PIGR: variants seen among roughly 807,000 people sequenced by gnomAD.
PIGR encodes the protein polymeric immunoglobulin receptor, also known as hepatocellular carcinoma associated protein TB6.
PIGR carries 22 observed loss-of-function variants against 69.5 expected under a neutral mutation model. That is an observed-to-expected ratio of 0.32 (90% CI 0.23 to 0.45). The LOEUF (loss-of-function observed/expected upper bound fraction) is 0.45. PIGR is among the 20% of genes least tolerant of loss of function. The pLI is 1.00. For synonymous variants in PIGR, 413 were observed against 407.6 expected (o/e 1.01, Z -0.16); for missense variants, 885 against 974.0 (o/e 0.91, Z 1.22).
At chr1:206,945,312 T>G (rs952358604) in intron 1 of PIGR, among the ~76,000 whole-genome samples, 4 of 152,168 alleles carry the variant, frequency 2.6e-5, no homozygotes, top group Non-Finnish European at 4.4e-5. Flanking sequence ...AGGAGCAGCT[T>G]CAATGGCCCC....
rs1680107517 is a variant in PIGR, at chr1:206,946,389, G to C, written c.-107C>G. ...TCTGACTTCAGGGACACAGCCTGCT[G>C]GCCAGTTGGTAACCCCTGCCTCTCT... On this transcript the variant is annotated 5_prime_UTR_variant, in exon 1 of 11. Coordinates refer to ENST00000356495, the MANE Select transcript of PIGR (RefSeq NM_002644.4). 1 of 152,262 alleles carries C rather than the reference G, an allele frequency of 6.6e-6. No individual in the cohort carries two copies. The highest frequency in any genetic ancestry group is 1.5e-5 in the Non-Finnish European group (1 of 68,094). 9.4% of individuals were successfully genotyped at this position (152,262 alleles called of 1,614,324 possible).
rs1350036249 is a variant in PIGR at position 206,930,983 on chromosome 1, G to A, written c.2199+514C>T. Reference sequence around the variant, plus strand: ...AGTCCTAGGGCAGATTGAGGGGATGGTATATGGCACCCAAGGCAGGAGTTG... The same window carrying A: ...AGTCCTAGGGCAGATTGAGGGGATGATATATGGCACCCAAGGCAGGAGTTG... On this transcript the variant is annotated intron_variant, in intron 10 of 10. Transcript: ENST00000356495. This position sits in a 1 kb window ranked among gnomAD's most constrained non-coding sequence, Gnocchi z 4.3. The A allele has an allele frequency of 2.0e-6, 2 of 985,434 alleles. No homozygotes were observed. Among genetic ancestry groups the A allele is most frequent in the Non-Finnish European group, 2.4e-6 (2 of 829,920 alleles). The allele number at this position is 985,434 out of a possible 1,614,324, so 61.0% of individuals were successfully genotyped here.
rs935131187 is a variant in PIGR at position 206,944,726 on chromosome 1, G to A, written c.-54+1610C>T. Reference sequence around the variant, plus strand: ...AGAGAGAGGGCAAGACATAGATGAAGGTCTCTGCTGAGCACAATGCATAGG... The same window carrying A: ...AGAGAGAGGGCAAGACATAGATGAAAGTCTCTGCTGAGCACAATGCATAGG... On this transcript the variant is annotated intron_variant, in intron 1 of 10. Coordinates refer to ENST00000356495, the MANE Select transcript of PIGR (RefSeq NM_002644.4). Among the ~76,000 whole-genome samples, 3 of 152,156 alleles carry A rather than the reference G, an allele frequency of 2.0e-5. No individual in the cohort carries two copies. The East Asian group carries it at 5.8e-4, about 29-fold the overall frequency.
rs1412821562 is a variant in PIGR at position 206,937,200 on chromosome 1, C to G, written c.940G>C (p.Gly314Arg). The G allele has an allele frequency of 2.5e-6, 4 of 1,614,232 alleles. No individual in the cohort carries two copies. The highest frequency in any genetic ancestry group is 3.4e-6 in the Non-Finnish European group (4 of 1,180,030). ...KDGSFSVVIT[G>R]LRKEDAGRYL... is the part of the protein sequence containing the mutation. ...CGCCCTGCATCCTCCTTCCTCAGGC[C>G]TGTGATCACCACACTGAATGAGCCA... Residue 314 changes from glycine to arginine, a missense_variant, in exon 4 of 11, where the codon GGC becomes CGC. Physicochemically the swap from Gly to Arg is moderately radical, Grantham distance 125. Coordinates refer to ENST00000356495, the MANE Select transcript of PIGR (RefSeq NM_002644.4).
chr1:206,934,561 C>G lies in PIGR; in HGVS notation c.1564G>C (p.Glu522Gln), dbSNP rs748382437. 7 of 1,614,152 alleles carry G rather than the reference C, an allele frequency of 4.3e-6. No individual in the cohort carries two copies. Among genetic ancestry groups the G allele is most frequent in the Non-Finnish European group, 5.1e-6 (6 of 1,180,054 alleles). ...GTCAGGGAGACAAGCCGGCTGTTCT[C>G]GTCACAGTTCACGAAGGCCTTGCTG... ...GPSKAFVNCD[E>Q]NSRLVSLTLN... Residue 522 changes from glutamate (E) to glutamine (Q), a missense_variant, in exon 6 of 11, where the codon GAG (glutamate) becomes CAG (glutamine). Glu to Gln is a conservative substitution (Grantham distance 29). Transcript: ENST00000356495.
At chr1:206,940,039 T>C (rs914695580) in intron 2 of PIGR, among the ~76,000 whole-genome samples, 7 of 152,262 alleles carry the variant, frequency 4.6e-5, no homozygotes, top group Non-Finnish European at 1.0e-4. Context: ...TTTCAAACAA[T>C]AACACCACTT....
chr1:206,930,742 T>C lies in PIGR; in HGVS notation c.2200-329A>G. 1.0e-6 allele frequency: 1 copy of C among 985,278 alleles called. No individual in the cohort carries two copies. Among genetic ancestry groups the C allele is most frequent in the African/African-American group, 1.7e-5 (1 of 57,296 alleles). 61.0% of individuals were successfully genotyped at this position (985,278 alleles called of 1,614,324 possible). On this transcript the variant is annotated intron_variant, in intron 10 of 10. Transcript: ENST00000356495. This position sits in a 1 kb window ranked among gnomAD's most constrained non-coding sequence, Gnocchi z 4.3. ...TGGCCTAGGCTGGGGTCAACCACGG[T>C]GGTGTATGTTTTTCTTTCTCCACCA...
At chr1:206,937,887 C>A (rs989231933) in intron 3 of PIGR, 136 bp from the exon 4 acceptor site, 2 of 750,280 alleles carry the variant, frequency 2.7e-6, no homozygotes, top group East Asian at 5.4e-5. Flanking sequence ...CAGAGGAATG[C>A]TGTCGGAAGG....
chr1:206,941,210 G>C (rs1017704979), intron 1 of PIGR, among the ~76,000 whole-genome samples: 5 of 152,080 alleles, frequency 3.3e-5, no homozygotes, highest in Non-Finnish European at 1.5e-5. Context: ...ATTCACATGG[G>C]AGGAAATGAA....
At chr1:206,941,055 T>C (rs1679974131) in intron 1 of PIGR, among the ~76,000 whole-genome samples, 1 of 152,196 alleles carries the variant, frequency 6.6e-6, no homozygotes, top group Non-Finnish European at 1.5e-5. Flanking sequence ...GGTGTCATGA[T>C]TATTAAGGCT....
chr1:206,939,281 T>C lies in PIGR; in HGVS notation c.226A>G (p.Ser76Gly), dbSNP rs184955581. The C allele has an allele frequency of 2.8e-5, 46 of 1,614,242 alleles. No individual in the cohort carries two copies. In the East Asian group the frequency reaches 7.6e-4, roughly 27 times the overall value. Residue 76 changes from serine (S) to glycine (G), a missense_variant, in exon 3 of 11, where the codon AGC becomes GGC. By Grantham distance (56) the Ser-to-Gly change is moderately conservative. Transcript: ENST00000356495. ...AGGTTAGCCCTGCCTGCATATTTGCTGGAGACGTAGCCCTCCGAGGAGATG... is the reference window on the plus strand; with the variant it reads ...AGGTTAGCCCTGCCTGCATATTTGCCGGAGACGTAGCCCTCCGAGGAGATG... ...TLISSEGYVS[S>G]KYAGRANLTN...
intron 2 of PIGR, 109 bp from the exon 3 acceptor site, chr1:206,939,572 G>A (rs1679940842): frequency 4.5e-6 from 3 of 673,150 alleles, no homozygotes; most frequent in Admixed American, 6.0e-5. Flanking sequence ...TAGGCCCTGT[G>A]TTGATAATTT....
At chr1:206,944,257 G>T (rs1291688791) in intron 1 of PIGR, among the ~76,000 whole-genome samples, 1 of 152,150 alleles carries the variant, frequency 6.6e-6, no homozygotes, top group East Asian at 1.9e-4. Flanking sequence ...GGTGGATCAT[G>T]AGGTCAGGAG....
chr1:206,933,388 C>T (rs986062918), intron 6 of PIGR, among the ~76,000 whole-genome samples: 1 of 152,182 alleles, frequency 6.6e-6, no homozygotes, highest in East Asian at 1.9e-4. Context: ...ATAGTGGGGA[C>T]CTTCAAGGCT....
At position 206,937,629 on chromosome 1, in the gene PIGR, G is replaced by A; in HGVS notation, c.511C>T (p.Leu171=). The change falls in exon 4 of 11, where the codon CTG becomes TTG. Residue 171 remains leucine, a synonymous_variant. Coordinates refer to ENST00000356495, the MANE Select transcript of PIGR (RefSeq NM_002644.4). ...KRKSLYKQIG[L]YPVLVIDSSG... ...GAGTCGATGACCAGCACAGGGTACA[G>A]GCCTATCTGCTTGTACAAGGACTTC... 1.9e-6 allele frequency: 3 copies of A among 1,613,720 alleles called. No homozygotes were observed. The highest frequency in any genetic ancestry group is 2.5e-6 in the Non-Finnish European group (3 of 1,179,770).
In PIGR at chr1:206,931,882, G is replaced by T; in HGVS notation, c.2009-80C>A. ...CAGGCTGGGCTGCTTCTCTCTGGGC[G>T]GATCCACTGTAGCCCTGCAGGACAG... On this transcript the variant is annotated intron_variant, in intron 8 of 10. Coordinates refer to ENST00000356495, the MANE Select transcript of PIGR (RefSeq NM_002644.4). 7 of 1,513,542 alleles carry T rather than the reference G, an allele frequency of 4.6e-6. No individual in the cohort carries two copies. In the South Asian group the frequency reaches 7.9e-5, roughly 17 times the overall value. The allele number at this position is 1,513,542 out of a possible 1,614,324, so 93.8% of individuals were successfully genotyped here.
At chr1:206,943,199 G>A (rs1301246403) in intron 1 of PIGR, among the ~76,000 whole-genome samples, 4 of 152,146 alleles carry the variant, frequency 2.6e-5, no homozygotes, top group African/African-American at 7.2e-5. Context: ...TTCTTTTCTT[G>A]TAAGACTTCA....
intron 3 of PIGR, 41 bp from the exon 4 acceptor site, chr1:206,937,792 C>T (rs763303966): frequency 1.1e-5 from 18 of 1,575,082 alleles, no homozygotes; most frequent in Admixed American, 3.4e-5. Flanking sequence ...AGGCAAGTTA[C>T]GATTCTACTT....
At chr1:206,942,448 C>G (rs974333157) in intron 1 of PIGR, among the ~76,000 whole-genome samples, 1 of 152,242 alleles carries the variant, frequency 6.6e-6, no homozygotes, top group Non-Finnish European at 1.5e-5. Flanking sequence ...CTACCATTTT[C>G]TACTTGTGCT....
Sources: allele counts gnomAD v4.1 joint callset (sites outside exome capture counted in the v4.1 genomes callset), GRCh38; gene constraint gnomAD v4.1.1; non-coding constraint Gnocchi (gnomAD v3.1); transcripts MANE v1.5; gene names NCBI Gene and HGNC (gene_info 2026-07-23, HGNC 2026-07-21).